Variants in SYN1 observed in about 807,000 individuals in gnomAD.
SYN1 encodes the protein synapsin I.
SYN1 carries 8 observed loss-of-function variants against 44.6 expected under a neutral mutation model. The observed-to-expected ratio is 0.18, with a 90% CI of 0.11 to 0.32. The LOEUF is 0.32. Ranked by LOEUF, SYN1 falls within the 10% of genes least tolerant of loss-of-function variation. The pLI, the probability that SYN1 is intolerant of heterozygous loss-of-function variation, is 1.00. For synonymous variants in SYN1, 275 were observed against 280.1 expected, an observed-to-expected ratio of 0.98 and a Z score of 0.18; for missense variants, 451 against 639.4, an observed-to-expected ratio of 0.71 and a Z score of 3.18.
intron 5 of SYN1, among the ~76,000 whole-genome samples, chrX:47,603,890 T>TTTTATATA (rs1292854071): frequency 2.3e-5 from 2 of 88,228 alleles, no homozygotes; most frequent in African/African-American, 8.6e-5. Flanking sequence ...ATATTAGTGA[T>TTTTATATA]TATATATATA....
intron 5 of SYN1, among the ~76,000 whole-genome samples, chrX:47,594,874 T>G (rs1038223581): frequency 1.8e-5 from 2 of 111,002 alleles, no homozygotes; most frequent in Non-Finnish European, 3.8e-5. Flanking sequence ...ATTACAGGCA[T>G]GCGCCACTGC....
At chrX:47,604,723 T>C in intron 5 of SYN1, 1 of 390,281 alleles carries the variant, frequency 2.6e-6, no homozygotes. Context: ...ACATTAGAAA[T>C]AGGTTTTTAA....
intron 5 of SYN1, chrX:47,582,622 G>T: frequency 2.8e-6 from 1 of 352,971 alleles, no homozygotes; most frequent in Non-Finnish European, 5.7e-6. Context: ...CTAGGGGGAA[G>T]AGGGTCGGAG....
At chrX:47,590,328 C>T (rs925063773) in intron 5 of SYN1, 35 of 111,480 alleles carry the variant, frequency 3.1e-4, no homozygotes, top group African/African-American at 1.1e-3. Context: ...GCCAACCTGT[C>T]CCCACCCTGT....
chrX:47,586,545 T>G (rs1388939513), intron 5 of SYN1: 1 of 1,211,881 alleles, frequency 8.3e-7, no homozygotes, highest in Non-Finnish European at 1.1e-6. Flanking sequence ...ATCCATCCCC[T>G]GCAAACTGCA....
At chrX:47,581,607 C>T (rs905018845) in intron 5 of SYN1, among the ~76,000 whole-genome samples, 14 of 112,067 alleles carry the variant, frequency 1.2e-4, no homozygotes, top group African/African-American at 3.9e-4. Flanking sequence ...GTTTGAATCC[C>T]GGCCATGCCC....
chrX:47,602,569 G>T (rs1023942799), intron 5 of SYN1, among the ~76,000 whole-genome samples: 6 of 110,569 alleles, frequency 5.4e-5, no homozygotes, highest in African/African-American at 1.6e-4. Context: ...TTGAACCCAG[G>T]AGGCGGAGGC....
intron 5 of SYN1, among the ~76,000 whole-genome samples, chrX:47,589,311 A>AC (rs2057839098): frequency 1.4e-5 from 1 of 72,912 alleles, no homozygotes; most frequent in South Asian, 6.3e-4. Context: ...AAAAAAAAAA[A>AC]GGCCGGGCAT....
chrX:47,603,028 G>T (rs1365783521), intron 5 of SYN1, among the ~76,000 whole-genome samples: 1 of 110,167 alleles, frequency 9.1e-6, no homozygotes, highest in Non-Finnish European at 1.9e-5. Flanking sequence ...TTTTATAATA[G>T]CAGTTAGAAT....
chrX:47,601,800 C>T (rs995492993), intron 5 of SYN1, among the ~76,000 whole-genome samples: 10 of 111,810 alleles, frequency 8.9e-5, no homozygotes, highest in African/African-American at 3.3e-4. Context: ...CTACAACATA[C>T]AAAAAGGATT....
chrX:47,591,641 A>T (rs1158158220), intron 5 of SYN1, among the ~76,000 whole-genome samples: 1 of 108,659 alleles, frequency 9.2e-6, no homozygotes, highest in African/African-American at 3.4e-5. Context: ...GAATTGCTTG[A>T]ACTCAGGAGG....
At chrX:47,617,152 C>T (rs1158953807) in intron 1 of SYN1, among the ~76,000 whole-genome samples, 1 of 111,356 alleles carries the variant, frequency 9.0e-6, no homozygotes, top group African/African-American at 3.3e-5. Context: ...CAATAAATAT[C>T]TGCAGAATGA....
At chrX:47,586,392 G>A (rs1322734113) in intron 5 of SYN1, 1 of 1,100,350 alleles carries the variant, frequency 9.1e-7, no homozygotes, top group African/African-American at 1.8e-5. Flanking sequence ...GCTGTCCTGG[G>A]GTATGTACTT....
Position 47,574,092 on chromosome X carries a change from C to A in SYN1, c.1892G>T (p.Arg631Leu). The A allele has an allele frequency of 8.8e-7, 1 of 1,132,672 alleles. No individual in the cohort carries two copies. Among genetic ancestry groups the A allele is most frequent in the South Asian group, 2.0e-5 (1 of 49,368 alleles). 93.3% of individuals were successfully genotyped at this position (1,132,672 alleles called of 1,213,427 possible). A position where few individuals can be genotyped will look rare whatever the true frequency, so the allele number is the denominator to read the frequency against. Residue 631 changes from arginine (R) to leucine (L), a missense_variant, in exon 12 of 13, where the codon CGT (arginine) becomes CTT (leucine). Coordinates refer to ENST00000295987, the MANE Select transcript of SYN1 (RefSeq NM_006950.3). ...TTTCTGGGCCAGCTGTGGTTTGGGA[C>A]GTCCAGCGGGGCCCGGGCCGCTGGG... ...PRPSGPGPAG[R>L]PKPQLAQKPS...
At chrX:47,609,005 GACACACACAC>G (rs757667668) in intron 1 of SYN1, among the ~76,000 whole-genome samples, 9 of 87,411 alleles carry the variant, frequency 1.0e-4, no homozygotes, top group East Asian at 7.1e-4. Flanking sequence ...CTCTCTCTCT[GACACACACAC>G]ACACACACAC....
chrX:47,573,965 A>G lies in SYN1; in HGVS notation c.1982+37T>C, dbSNP rs1171956934. On this transcript the variant is annotated intron_variant, in intron 12 of 12. Coordinates refer to ENST00000295987, the MANE Select transcript of SYN1 (RefSeq NM_006950.3). ...TACTGGGGCAGCGGCCCGCTTTGTG[A>G]GCAGCAAGGCGAAGGCTGCTGTAGG... is the stretch of plus-strand genomic sequence containing the variant. The G allele has an allele frequency of 2.6e-5, 28 of 1,090,901 alleles. 1 individual carries two copies. The highest frequency in any genetic ancestry group is 3.1e-5 in the Non-Finnish European group (26 of 836,738). 89.9% of individuals were successfully genotyped at this position (1,090,901 alleles called of 1,213,427 possible).
chrX:47,576,682 G>A, intron 6 of SYN1, 42 bp from the exon 7 acceptor site: 1 of 1,208,692 alleles, frequency 8.3e-7, no homozygotes, highest in African/African-American at 1.7e-5. Flanking sequence ...GTCAGGATAG[G>A]GCAGCTGTGG....
intron 1 of SYN1, among the ~76,000 whole-genome samples, chrX:47,609,874 G>A (rs781508085): frequency 8.1e-5 from 9 of 111,398 alleles, no homozygotes; most frequent in Non-Finnish European, 1.7e-4. Context: ...TACAGCGCAG[G>A]CCCCCAGGGT....
chrX:47,605,204 C>T lies in SYN1; in HGVS notation c.684+19G>A. 1.7e-6 allele frequency: 2 copies of T among 1,208,525 alleles called. No individual in the cohort carries two copies. Among genetic ancestry groups the T allele is most frequent in the Non-Finnish European group, 2.2e-6 (2 of 893,722 alleles). ...CATGAGCTGTTCCCTCTGCCAGTGG[C>T]ACCCTTCCTGTTACTTACCACCCAG... On this transcript the variant is annotated intron_variant, in intron 4 of 12. Transcript: ENST00000295987.
Sources: gnomAD v4.1 joint callset for allele counts (sites outside exome capture counted in the v4.1 genomes callset) on GRCh38, gnomAD v4.1.1 for gene constraint, MANE v1.5 for transcripts, NCBI Gene and HGNC (gene_info 2026-07-23, HGNC 2026-07-21) for gene names.